Variants in SLC9A9 observed in about 807,000 individuals in gnomAD.
SLC9A9 encodes solute carrier family 9 member A9.
In SLC9A9, 62 loss-of-function variants were observed where a neutral mutation model predicts 77.8. The observed-to-expected ratio is 0.80, with a 90% CI of 0.65 to 0.98. SLC9A9 has a LOEUF of 0.98. SLC9A9 is among the 50% of genes least tolerant of loss of function. The probability of loss-of-function intolerance (pLI) is 0.00; values close to 1 mark genes in which losing one functional copy is unlikely to be tolerated. For synonymous variants in SLC9A9, 320 were observed against 283.5 expected (o/e 1.13, Z -1.29); for missense variants, 775 against 774.9 (o/e 1.00, Z 0.00).
Position 143,309,695 on chromosome 3 carries a change from G to C in SLC9A9, c.1605-40715C>G, listed in dbSNP as rs546044954. Among the ~76,000 whole-genome samples the C allele has an allele frequency of 2.6e-5, 4 of 152,278 alleles. No homozygotes were observed. The East Asian group carries it at 7.7e-4, about 29-fold the overall frequency. ...GTTTCCCTGTATCTCAAGTGGTCTT[G>C]TGGGGATATCTAGTCATTCCCTTAA... is the stretch of plus-strand genomic sequence containing the variant. On this transcript the variant is annotated intron_variant, in intron 14 of 15. Coordinates refer to ENST00000316549, the MANE Select transcript of SLC9A9 (RefSeq NM_173653.4).
In SLC9A9 at chr3:143,322,667, G is replaced by A. The variant is rs534687609; in HGVS notation, c.1604+40817C>T. Reference sequence around the variant, plus strand: ...ACTAGTTCTTCCTCAGTGGTTCTTGGCATTTTTTTGTGTATGTGTTCAAAC... The same window carrying A: ...ACTAGTTCTTCCTCAGTGGTTCTTGACATTTTTTTGTGTATGTGTTCAAAC... On this transcript the variant is annotated intron_variant, in intron 14 of 15. Transcript: ENST00000316549. 2.6e-5 allele frequency among the ~76,000 whole-genome samples: 4 copies of A among 152,160 alleles called. No homozygotes were observed. The South Asian group carries it at 8.3e-4, about 32-fold the overall frequency.
intron 4 of SLC9A9, among the ~76,000 whole-genome samples, chr3:143,768,203 A>G (rs1480383147): frequency 6.6e-6 from 1 of 152,116 alleles, no homozygotes; most frequent in East Asian, 1.9e-4. Context: ...ATTTATTCTC[A>G]GCGAGGGGGA....
chr3:143,494,220 C>A (rs941366487), intron 10 of SLC9A9, among the ~76,000 whole-genome samples: 1 of 152,282 alleles, frequency 6.6e-6, no homozygotes, highest in Admixed American at 6.5e-5. Flanking sequence ...GCTTTGCATA[C>A]CTTTTTCTTT....
chr3:143,280,476 ACT>A (rs1191598548), intron 14 of SLC9A9, among the ~76,000 whole-genome samples: 1 of 151,210 alleles, frequency 6.6e-6, no homozygotes, highest in African/African-American at 2.4e-5. Flanking sequence ...TCCTAGACAT[ACT>A]TTTTTCCTCA....
chr3:143,475,265 C>A (rs916757259), intron 11 of SLC9A9, among the ~76,000 whole-genome samples: 1 of 151,580 alleles, frequency 6.6e-6, no homozygotes, highest in African/African-American at 2.4e-5. Context: ...CTGTGCCTGG[C>A]CGTTTGTTTT....
chr3:143,711,212 C>A (rs1934184706), intron 4 of SLC9A9, among the ~76,000 whole-genome samples: 1 of 152,118 alleles, frequency 6.6e-6, no homozygotes, highest in Admixed American at 6.5e-5. Context: ...GTTTGTGATG[C>A]ATGTAATACA....
chr3:143,461,225 C>A lies in SLC9A9; in HGVS notation c.1469+5812G>T, dbSNP rs187567036. On this transcript the variant is annotated intron_variant, in intron 12 of 15. Transcript: ENST00000316549. ...TTTTTGAGCTATTGGATAATATAAT[C>A]CTTTTTGTGAGCATTTTTCTTTAAG... 4.6e-5 allele frequency among the ~76,000 whole-genome samples: 7 copies of A among 152,186 alleles called. No individual in the cohort carries two copies. In the East Asian group the frequency reaches 1.4e-3, roughly 29 times the overall value.
intron 6 of SLC9A9, among the ~76,000 whole-genome samples, chr3:143,651,900 C>T (rs1295028165): frequency 6.6e-6 from 1 of 152,114 alleles, no homozygotes; most frequent in Non-Finnish European, 1.5e-5. Context: ...TTCTATTAGA[C>T]TATTATCTGG....
chr3:143,540,044 G>C (rs967278448), intron 9 of SLC9A9, among the ~76,000 whole-genome samples: 3 of 152,090 alleles, frequency 2.0e-5, no homozygotes, highest in Non-Finnish European at 4.4e-5. Flanking sequence ...TTAGGGCTTG[G>C]TGGGGATGAG....
intron 12 of SLC9A9, among the ~76,000 whole-genome samples, chr3:143,384,282 A>G (rs2033370418): frequency 6.6e-6 from 1 of 152,058 alleles, no homozygotes; most frequent in South Asian, 2.1e-4. Context: ...CCCTTCTCTT[A>G]TGGGGCCAGG....
rs144224404 is a variant in SLC9A9 at position 143,616,135 on chromosome 3, G to A, written c.755+36120C>T. On this transcript the variant is annotated intron_variant, in intron 6 of 15. Coordinates refer to ENST00000316549, the MANE Select transcript of SLC9A9 (RefSeq NM_173653.4). Reference sequence around the variant, plus strand: ...CCTGACCTTGTGATCCGCCCGCCTCGGCCTCCCAAAGTGCTGGGATTATAG... The same window carrying A: ...CCTGACCTTGTGATCCGCCCGCCTCAGCCTCCCAAAGTGCTGGGATTATAG... Among the ~76,000 whole-genome samples, 417 of 151,986 alleles carry A rather than the reference G, an allele frequency of 2.7e-3. 2 individuals are homozygous for A. The highest frequency in any genetic ancestry group is 9.5e-3 in the African/African-American group (395 of 41,464).
intron 5 of SLC9A9, among the ~76,000 whole-genome samples, chr3:143,671,214 T>G (rs1018808840): frequency 6.6e-6 from 1 of 152,250 alleles, no homozygotes; most frequent in Non-Finnish European, 1.5e-5. Flanking sequence ...TTTAATTTGC[T>G]GCCAATCCGT....
At chr3:143,731,255 G>C (rs1934797013) in intron 4 of SLC9A9, among the ~76,000 whole-genome samples, 1 of 152,242 alleles carries the variant, frequency 6.6e-6, no homozygotes, top group Non-Finnish European at 1.5e-5. Flanking sequence ...CAGTGTAGGA[G>C]TTCTGTTAGC....
chr3:143,661,580 C>G (rs577087377), intron 5 of SLC9A9, among the ~76,000 whole-genome samples: 2 of 152,198 alleles, frequency 1.3e-5, no homozygotes, highest in African/African-American at 4.8e-5. Flanking sequence ...GTAAACCCAT[C>G]CCTTTAATAG....
chr3:143,593,803 G>T (rs1286439580), intron 6 of SLC9A9, among the ~76,000 whole-genome samples: 2 of 152,214 alleles, frequency 1.3e-5, no homozygotes, highest in Non-Finnish European at 2.9e-5. Context: ...AGAGATTATA[G>T]CACCTTGACT....
chr3:143,644,183 G>A (rs1295974090), intron 6 of SLC9A9, among the ~76,000 whole-genome samples: 1 of 152,170 alleles, frequency 6.6e-6, no homozygotes, highest in East Asian at 1.9e-4. Context: ...CAGGCCAGTG[G>A]ACAAATTTTG....
chr3:143,719,524 T>C (rs1445966394), intron 4 of SLC9A9, among the ~76,000 whole-genome samples: 2 of 152,140 alleles, frequency 1.3e-5, no homozygotes, highest in Admixed American at 6.5e-5. Flanking sequence ...ATTGAGACAC[T>C]ATTTTATTTG....
In SLC9A9 at chr3:143,502,161, G is replaced by A. The variant is rs139688199; in HGVS notation, c.1090-6713C>T. On this transcript the variant is annotated intron_variant, in intron 9 of 15. Transcript: ENST00000316549. ...ACTTGACTCAACTTTTTATTTATCC[G>A]GTACAGTAAACATTTATTTTGTTTC... 9.9e-5 allele frequency among the ~76,000 whole-genome samples: 15 copies of A among 150,896 alleles called. 1 individual carries two copies. The highest frequency in any genetic ancestry group is 3.2e-4 in the African/African-American group (13 of 40,276).
At chr3:143,474,046 C>T (rs958362264) in intron 11 of SLC9A9, among the ~76,000 whole-genome samples, 3 of 152,182 alleles carry the variant, frequency 2.0e-5, no homozygotes, top group African/African-American at 7.2e-5. Flanking sequence ...AGGAAAGCCT[C>T]TCTGGTTAGG....
Sources: gnomAD v4.1 joint callset for allele counts (sites outside exome capture counted in the v4.1 genomes callset) on GRCh38, gnomAD v4.1.1 for gene constraint, MANE v1.5 for transcripts, NCBI Gene and HGNC (gene_info 2026-07-23, HGNC 2026-07-21) for gene names.